WWOX: variants seen among roughly 807,000 people sequenced by gnomAD.
The protein encoded by WWOX is WW domain containing oxidoreductase, also known as WW domain-containing oxidoreductase.
In WWOX, 69 loss-of-function variants were observed where a neutral mutation model predicts 46.2. That is an observed-to-expected ratio of 1.49 (90% CI 1.23 to 1.82). WWOX has a LOEUF of 1.82. Among genes scored for constraint, WWOX ranks in the 40% most tolerant of loss-of-function variants. The pLI is 0.00. For missense variants in WWOX, 919 were observed against 542.6 expected, an observed-to-expected ratio of 1.69 and a Z score of -6.89; for synonymous variants, 359 against 202.6, an observed-to-expected ratio of 1.77 and a Z score of -6.56.
chr16:78,102,706 A>T (rs2031876998), intron 1 of WWOX, among the ~76,000 whole-genome samples: 1 of 152,212 alleles, frequency 6.6e-6, no homozygotes. Flanking sequence ...CTTCGTGCTT[A>T]GCCTTGGCTG....
intron 8 of WWOX, among the ~76,000 whole-genome samples, chr16:79,133,311 C>A (rs759701633): frequency 3.9e-5 from 6 of 152,148 alleles, no homozygotes; most frequent in Non-Finnish European, 8.8e-5. Context: ...CGCCACTTAA[C>A]AATTTTCCAC....
Position 78,112,750 on chromosome 16 carries a change from G to T in WWOX, c.231-2226G>T, listed in dbSNP as rs189894757. Reference sequence around the variant, plus strand: ...TCTTGCTCTTCTTATCCAGGGCTGAGGTGCAGTGACACAGTCACAGCTCGC... The same window carrying T: ...TCTTGCTCTTCTTATCCAGGGCTGATGTGCAGTGACACAGTCACAGCTCGC... On this transcript the variant is annotated intron_variant, in intron 3 of 8. Coordinates refer to ENST00000566780, the MANE Select transcript of WWOX (RefSeq NM_016373.4). Among the ~76,000 whole-genome samples the T allele has an allele frequency of 7.6e-4, 113 of 149,246 alleles. 2 individuals are homozygous for T. The East Asian group carries it at 0.015, about 19-fold the overall frequency.
chr16:79,097,937 G>C (rs900708318), intron 8 of WWOX, among the ~76,000 whole-genome samples: 2 of 152,112 alleles, frequency 1.3e-5, no homozygotes, highest in Non-Finnish European at 2.9e-5. Flanking sequence ...GATAAGTCAG[G>C]TCCTGCCGGG....
chr16:78,480,347 G>C (rs1467642383), intron 8 of WWOX, among the ~76,000 whole-genome samples: 1 of 152,190 alleles, frequency 6.6e-6, no homozygotes, highest in Non-Finnish European at 1.5e-5. Context: ...TGGGTTCCGA[G>C]AGGAAACATT....
At chr16:78,402,927 C>G (rs567176726) in intron 6 of WWOX, among the ~76,000 whole-genome samples, 13 of 152,302 alleles carry the variant, frequency 8.5e-5, no homozygotes, top group African/African-American at 3.1e-4. Flanking sequence ...GTGCCATTCT[C>G]CAGCAAGGTT....
intron 8 of WWOX, among the ~76,000 whole-genome samples, chr16:78,916,762 G>C (rs1597147492): frequency 1.3e-5 from 2 of 152,310 alleles, no homozygotes; most frequent in East Asian, 3.9e-4. Context: ...TTCTGGGAAA[G>C]TTTATCCAAT....
intron 8 of WWOX, among the ~76,000 whole-genome samples, chr16:78,493,168 T>A (rs2738718): frequency 0.9 from 136,734 of 152,186 alleles, 62,133 homozygotes; most frequent in Non-Finnish European, 0.97. Context: ...AAAAACTTCA[T>A]GTCAGTTACT....
chr16:79,211,715 T>G lies in WWOX; in HGVS notation c.1164T>G (p.Ala388=), dbSNP rs774102028. ...GCCGCTGCATGCCCTCACCAGAAGC[T>G]CAGAGCGAAGAGACGGCCCGGACCC... ...NCCRCMPSPE[A]QSEETARTLW... The change falls in exon 9 of 9, where the codon GCT becomes GCG. Residue 388 remains alanine, a synonymous_variant. Transcript: ENST00000566780. The G allele has an allele frequency of 1.2e-6, 2 of 1,614,146 alleles. No individual in the cohort carries two copies. The highest frequency in any genetic ancestry group is 3.3e-5 in the Admixed American group (2 of 60,028).
intron 8 of WWOX, among the ~76,000 whole-genome samples, chr16:78,733,321 G>T (rs2049008717): frequency 1.3e-5 from 2 of 152,088 alleles, no homozygotes; most frequent in Admixed American, 1.3e-4. Flanking sequence ...TGAGTGTGAT[G>T]TTGTGTGTCT....
chr16:78,361,195 A>T (rs1276272963), intron 5 of WWOX, among the ~76,000 whole-genome samples: 1 of 152,054 alleles, frequency 6.6e-6, no homozygotes, highest in Non-Finnish European at 1.5e-5. Context: ...TTTGTCCAGT[A>T]TTTTCTCATC....
intron 8 of WWOX, among the ~76,000 whole-genome samples, chr16:79,000,844 C>G (rs952766595): frequency 6.6e-6 from 1 of 152,150 alleles, no homozygotes; most frequent in Non-Finnish European, 1.5e-5. Context: ...CTCAGAGGAC[C>G]CTGGACCTCT....
chr16:78,870,638 G>T (rs530266041), intron 8 of WWOX, among the ~76,000 whole-genome samples: 1 of 152,006 alleles, frequency 6.6e-6, no homozygotes, highest in African/African-American at 2.4e-5. Context: ...ATCTCACTCT[G>T]TTGCCCAGGC....
chr16:78,885,005 C>T (rs1445256887), intron 8 of WWOX, among the ~76,000 whole-genome samples: 1 of 152,206 alleles, frequency 6.6e-6, no homozygotes, highest in Non-Finnish European at 1.5e-5. Context: ...TCAGCTGTGT[C>T]ACTGGGCAGT....
chr16:78,119,590 G>A (rs1344237526), intron 4 of WWOX, among the ~76,000 whole-genome samples: 1 of 151,814 alleles, frequency 6.6e-6, no homozygotes, highest in African/African-American at 2.4e-5. Flanking sequence ...TCATATTTAC[G>A]GAGTGACATC....
chr16:78,648,182 A>G (rs754686501), intron 8 of WWOX, among the ~76,000 whole-genome samples: 1 of 152,152 alleles, frequency 6.6e-6, no homozygotes, highest in South Asian at 2.1e-4. Context: ...AAAAACGGCT[A>G]TTTCTTTAGG....
intron 8 of WWOX, among the ~76,000 whole-genome samples, chr16:79,107,089 G>C (rs1454102930): frequency 6.6e-6 from 1 of 152,202 alleles, no homozygotes; most frequent in Non-Finnish European, 1.5e-5. Flanking sequence ...GGGATTACAG[G>C]CATGGGCCAC....
intron 8 of WWOX, among the ~76,000 whole-genome samples, chr16:79,027,496 A>AC: frequency 6.6e-6 from 1 of 151,754 alleles, no homozygotes; most frequent in Non-Finnish European, 1.5e-5. Flanking sequence ...ATAAGAACTA[A>AC]TGACTTCTGC....
chr16:78,928,358 A>T (rs1395637794), intron 8 of WWOX, among the ~76,000 whole-genome samples: 1 of 151,286 alleles, frequency 6.6e-6, no homozygotes. Context: ...GCCCGCTACC[A>T]CGCCCGGCTA....
chr16:78,789,465 A>G (rs1366300368), intron 8 of WWOX, among the ~76,000 whole-genome samples: 1 of 152,176 alleles, frequency 6.6e-6, no homozygotes, highest in African/African-American at 2.4e-5. Flanking sequence ...CCATAAATGT[A>G]AGTATTTCTT....
Sources: gnomAD v4.1 joint callset for allele counts (sites outside exome capture counted in the v4.1 genomes callset) on GRCh38, gnomAD v4.1.1 for gene constraint, MANE v1.5 for transcripts, NCBI Gene and HGNC (gene_info 2026-07-23, HGNC 2026-07-21) for gene names.